The following MTA1 variants were observed in gnomAD, a reference collection of about 807,000 sequenced individuals.
The protein encoded by MTA1 is metastasis associated 1.
MTA1 carries 15 observed loss-of-function variants against 97.0 expected under a neutral mutation model. The observed-to-expected ratio is 0.15, with a 90% CI of 0.10 to 0.24. The LOEUF (loss-of-function observed/expected upper bound fraction) is 0.24, where lower values mean the gene tolerates loss of function less well. Ranked by LOEUF, MTA1 falls within the 10% of genes least tolerant of loss-of-function variation. MTA1 has a pLI of 1.00. For missense variants in MTA1, 709 were observed against 1,015.1 expected (o/e 0.70, Z 4.10); for synonymous variants, 435 against 417.5 (o/e 1.04, Z -0.51).
chr14:105,449,072 A>G (rs2082821373), intron 3 of MTA1: 3 of 415,758 alleles, frequency 7.2e-6, no homozygotes, highest in Non-Finnish European at 1.3e-5. Context: ...GGGAAGCCCC[A>G]GTGGAGTGGG....
intron 3 of MTA1, chr14:105,445,885 T>C (rs1387624799): frequency 2.8e-6 from 1 of 357,378 alleles, no homozygotes; most frequent in Non-Finnish European, 5.4e-6. Flanking sequence ...TGCCAATGTC[T>C]CTCTCTTTTT....
rs114573288 is a variant in MTA1 at position 105,452,332 on chromosome 14, C to T, written c.433-1861C>T. On this transcript the variant is annotated intron_variant, in intron 6 of 20. Coordinates refer to ENST00000331320, the MANE Select transcript of MTA1 (RefSeq NM_004689.4). Reference sequence around the variant, plus strand: ...CACAGCAGTCACAGACACACCCAGGCCCTGACCAGTGGCGCAGTCCGGCAC... The same window carrying T: ...CACAGCAGTCACAGACACACCCAGGTCCTGACCAGTGGCGCAGTCCGGCAC... Among the ~76,000 whole-genome samples, 672 of 152,340 alleles carry T rather than the reference C, an allele frequency of 4.4e-3. 10 individuals are homozygous for T. The highest frequency in any genetic ancestry group is 0.016 in the African/African-American group (647 of 41,566).
chr14:105,458,611 C>T (rs1555430448), intron 8 of MTA1, among the ~76,000 whole-genome samples: 1 of 152,062 alleles, frequency 6.6e-6, no homozygotes, highest in African/African-American at 2.4e-5. Flanking sequence ...TGTGCCTGCC[C>T]ATGTGTCCCT....
Position 105,422,470 on chromosome 14 carries a change from C to T in MTA1, c.28+2407C>T, listed in dbSNP as rs1186817633. Among the ~76,000 whole-genome samples the T allele has an allele frequency of 6.6e-6, 1 of 152,124 alleles. No homozygotes were observed. Among genetic ancestry groups the T allele is most frequent in the Non-Finnish European group, 1.5e-5 (1 of 68,032 alleles). On this transcript the variant is annotated intron_variant, in intron 1 of 20. Transcript: ENST00000331320. This position sits in a 1 kb window ranked among gnomAD's most constrained non-coding sequence, Gnocchi z 4.3. Reference sequence around the variant, plus strand: ...GGCCAGTCCTGGCCTGTGGGAGATGCCGGCAGGGACCCAGCCTGGGAAGGG... The same window carrying T: ...GGCCAGTCCTGGCCTGTGGGAGATGTCGGCAGGGACCCAGCCTGGGAAGGG...
chr14:105,450,165 C>G lies in MTA1; in HGVS notation c.349C>G (p.Leu117Val). Reference protein sequence around the residue: ...ELFLSRQLESLPATHIRGKCS... With the variant: ...ELFLSRQLESVPATHIRGKCS... ...GTTCCTCTCCCGGCAGCTGGAGTCT[C>G]TGCCCGCCACGCACATCAGGTAGCC... Residue 117 changes from leucine to valine, a missense_variant, in exon 5 of 21, where the codon CTG becomes GTG. Around this residue, in one of 2 missense-constraint regions of MTA1, gnomAD observed 321 missense variants for 593.5 expected, o/e 0.54. Transcript: ENST00000331320. The G allele has an allele frequency of 6.2e-7, 1 of 1,613,030 alleles. No homozygotes were observed. The highest frequency in any genetic ancestry group is 8.5e-7 in the Non-Finnish European group (1 of 1,179,888).
Position 105,466,454 on chromosome 14 carries a change from C to A in MTA1, c.1653C>A (p.Asp551Glu), listed in dbSNP as rs1555432829. The A allele has an allele frequency of 7.3e-7, 1 of 1,367,522 alleles. No homozygotes were observed. The highest frequency in any genetic ancestry group is 1.2e-5 in the South Asian group (1 of 86,802). 84.7% of individuals were successfully genotyped at this position (1,367,522 alleles called of 1,614,324 possible). Reference protein sequence around the residue: ...LETHPRPPKPDPVKSVSSVLS... With the variant: ...LETHPRPPKPEPVKSVSSVLS... ...CCCACCCCCGCCCCCCCAAGCCTGACCCCGTGAAAAGCGTGTCCAGCGTGC... is the reference window on the plus strand; with the variant it reads ...CCCACCCCCGCCCCCCCAAGCCTGAACCCGTGAAAAGCGTGTCCAGCGTGC... Residue 551 changes from aspartate (D) to glutamate (E), a missense_variant, in exon 17 of 21, where the codon GAC (aspartate) becomes GAA (glutamate). Coordinates refer to ENST00000331320, the MANE Select transcript of MTA1 (RefSeq NM_004689.4).
rs2083446305 is a variant in MTA1, at chr14:105,463,618, T to C, written c.1076+67T>C. 2 of 1,510,202 alleles carry C rather than the reference T, an allele frequency of 1.3e-6. No individual in the cohort carries two copies. Among genetic ancestry groups the C allele is most frequent in the East Asian group, 4.5e-5 (2 of 44,282 alleles). 93.6% of individuals were successfully genotyped at this position (1,510,202 alleles called of 1,614,324 possible). A position where few individuals can be genotyped will look rare whatever the true frequency, so the allele number is the denominator to read the frequency against. ...GCCAGGGAGGGTGGGCACAGGGTGC[T>C]GGGGCCAGGCGGGTCCCAAGGAAAC... On this transcript the variant is annotated intron_variant, in intron 12 of 20. Coordinates refer to ENST00000331320, the MANE Select transcript of MTA1 (RefSeq NM_004689.4). The surrounding 1 kb of genome is among the most constrained non-coding windows in gnomAD (Gnocchi z 5.9).
At chr14:105,427,596 G>C (rs1465104615) in intron 1 of MTA1, among the ~76,000 whole-genome samples, 2 of 152,206 alleles carry the variant, frequency 1.3e-5, no homozygotes, top group African/African-American at 2.4e-5. Flanking sequence ...CCAGAGGCTC[G>C]TAGGAACCTG....
chr14:105,450,655 G>T (rs1555428476), intron 6 of MTA1, among the ~76,000 whole-genome samples: 1 of 152,198 alleles, frequency 6.6e-6, no homozygotes, highest in East Asian at 1.9e-4. Flanking sequence ...AGTCTTCGCA[G>T]GAGTCTTGGC....
intron 7 of MTA1, 101 bp from the exon 8 acceptor site, chr14:105,458,169 C>A (rs2083222764): frequency 3.2e-6 from 3 of 947,066 alleles, no homozygotes; most frequent in East Asian, 5.2e-5. Context: ...TGCAGCCCTT[C>A]CCCCTCCCCG....
chr14:105,433,302 G>T (rs2082234930), intron 1 of MTA1, among the ~76,000 whole-genome samples: 1 of 152,184 alleles, frequency 6.6e-6, no homozygotes, highest in South Asian at 2.1e-4. Context: ...GTTTTTAGAG[G>T]TTGGTCAGGT....
At chr14:105,452,793 G>A (rs982174585) in intron 6 of MTA1, among the ~76,000 whole-genome samples, 1 of 152,250 alleles carries the variant, frequency 6.6e-6, no homozygotes, top group Non-Finnish European at 1.5e-5. Flanking sequence ...ATGGCTCGTG[G>A]TCACACATGG....
intron 6 of MTA1, 145 bp downstream of exon 6, chr14:105,450,469 G>T: frequency 1.1e-6 from 1 of 904,710 alleles, no homozygotes; most frequent in Admixed American, 2.9e-5. Flanking sequence ...CGGGGATTGC[G>T]TCCTGACTGT....
At chr14:105,441,342 C>T (rs781871847) in intron 2 of MTA1, among the ~76,000 whole-genome samples, 9 of 152,202 alleles carry the variant, frequency 5.9e-5, no homozygotes, top group South Asian at 4.1e-4. Context: ...CTGCTGGCAT[C>T]GGGGACCCAG....
At chr14:105,466,808 C>G (rs1169442958) in intron 18 of MTA1, 66 bp downstream of exon 18, 1 of 1,511,024 alleles carries the variant, frequency 6.6e-7, no homozygotes, top group East Asian at 2.5e-5. Context: ...CTGTGCTGCT[C>G]TGTGTCCCCG....
intron 10 of MTA1, among the ~76,000 whole-genome samples, chr14:105,462,444 C>T (rs1041689198): frequency 1.3e-5 from 2 of 152,200 alleles, no homozygotes; most frequent in Admixed American, 6.5e-5. Flanking sequence ...TGGCAGGCTC[C>T]TGTAGTCCCA....
At chr14:105,431,854 G>T (rs1425487350) in intron 1 of MTA1, among the ~76,000 whole-genome samples, 1 of 152,122 alleles carries the variant, frequency 6.6e-6, no homozygotes, top group Admixed American at 6.5e-5. Context: ...TCAAACTCCT[G>T]ACCTCAGGTG....
chr14:105,421,610 T>TGCCTGCCTGTGATCTTGGC (rs1213806826), intron 1 of MTA1, among the ~76,000 whole-genome samples: 4 of 152,234 alleles, frequency 2.6e-5, no homozygotes, highest in East Asian at 1.9e-4. Flanking sequence ...CCTTCAGGCC[T>TGCCTGCCTGTGATCTTGGC]GCCTGCCTGT....
intron 7 of MTA1, among the ~76,000 whole-genome samples, chr14:105,456,884 C>T (rs1322429038): frequency 1.3e-5 from 2 of 152,254 alleles, no homozygotes; most frequent in Non-Finnish European, 2.9e-5. Flanking sequence ...TCCTCTGAGT[C>T]TGGCCAGGCA....
Sources: allele counts gnomAD v4.1 joint callset (sites outside exome capture counted in the v4.1 genomes callset), GRCh38; gene constraint gnomAD v4.1.1; regional missense constraint gnomAD v4.1.1; non-coding constraint Gnocchi (gnomAD v3.1); transcripts MANE v1.5; gene names NCBI Gene and HGNC (gene_info 2026-07-23, HGNC 2026-07-21).